PCDHGA4: variants seen among roughly 807,000 people sequenced by gnomAD.
PCDHGA4 encodes protocadherin gamma subfamily A, 4.
A neutral mutation model predicts 54.6 loss-of-function variants in PCDHGA4; 38 were observed. The observed-to-expected ratio is 0.70, with a 90% CI of 0.54 to 0.91. The LOEUF (loss-of-function observed/expected upper bound fraction) is 0.91. PCDHGA4 is among the 40% of genes least tolerant of loss of function. The pLI is 0.00. For missense variants in PCDHGA4, 1,298 were observed against 1,220.9 expected (o/e 1.06, Z -0.94); for synonymous variants, 511 against 512.9 (o/e 1.00, Z 0.05).
intron 1 of PCDHGA4, among the ~76,000 whole-genome samples, chr5:141,450,503 T>G (rs1196541899): frequency 3.3e-5 from 5 of 152,258 alleles, no homozygotes; most frequent in Admixed American, 6.5e-5. Context: ...TTGTTTGTTT[T>G]GAGATGGAGT....
chr5:141,365,788 A>T, intron 1 of PCDHGA4: 1 of 1,613,878 alleles, frequency 6.2e-7, no homozygotes, highest in South Asian at 1.1e-5. Flanking sequence ...ACAACGCTCG[A>T]GTCACCTACT....
Position 141,390,222 on chromosome 5 carries a change from G to A in PCDHGA4, c.2514+32601G>A, listed in dbSNP as rs758225583. The A allele has an allele frequency of 1.1e-5, 18 of 1,613,904 alleles. 1 individual carries two copies. In the Middle Eastern group the frequency reaches 9.9e-4, roughly 88 times the overall value. ...GAGTTCAGGACAAGACATACTTTGC[G>A]GTGATTCATCTGGGGCCTTATTTCC... On this transcript the variant is annotated intron_variant, in intron 1 of 3. Transcript: ENST00000571252.
At chr5:141,393,322 A>C (rs780040037) in intron 1 of PCDHGA4, 21 of 1,611,334 alleles carry the variant, frequency 1.3e-5, no homozygotes, top group Middle Eastern at 1.6e-4. Context: ...CTCCAGAGCT[A>C]CCAGCTCAGC....
intron 2 of PCDHGA4, among the ~76,000 whole-genome samples, chr5:141,501,009 C>T (rs2099804715): frequency 2.0e-5 from 3 of 152,040 alleles, no homozygotes; most frequent in Non-Finnish European, 4.4e-5. Context: ...GCTGGGACTA[C>T]AGGCACGCGC....
chr5:141,389,182 G>T, intron 1 of PCDHGA4: 1 of 1,614,032 alleles, frequency 6.2e-7, no homozygotes, highest in Non-Finnish European at 8.5e-7. Flanking sequence ...CTCTCCTCCA[G>T]TTCCAGCATC....
intron 1 of PCDHGA4, chr5:141,389,710 C>T: frequency 6.2e-7 from 1 of 1,612,586 alleles, no homozygotes; most frequent in Non-Finnish European, 8.5e-7. Flanking sequence ...GTGCTGCAGG[C>T]TAGCGAGCCC....
chr5:141,477,519 A>C lies in PCDHGA4; in HGVS notation c.2515-17288A>C, dbSNP rs1255751458. 1 of 1,614,174 alleles carries C rather than the reference A, an allele frequency of 6.2e-7. No individual in the cohort carries two copies. The highest frequency in any genetic ancestry group is 2.2e-5 in the East Asian group (1 of 44,882). Reference sequence around the variant, plus strand: ...TCTTCCTACGACGTTTACATTGAAGAAAACAACCTCCCCGGGGCTCCAATA... The same window carrying C: ...TCTTCCTACGACGTTTACATTGAAGCAAACAACCTCCCCGGGGCTCCAATA... On this transcript the variant is annotated intron_variant, in intron 1 of 3. Transcript: ENST00000571252. The surrounding 1 kb of genome is among the most constrained non-coding windows in gnomAD (Gnocchi z 4.9).
intron 1 of PCDHGA4, among the ~76,000 whole-genome samples, chr5:141,444,733 G>A (rs1464370133): frequency 6.6e-6 from 1 of 152,106 alleles, no homozygotes; most frequent in Non-Finnish European, 1.5e-5. Flanking sequence ...TTTGTTGAAA[G>A]TCATTTCACT....
intron 1 of PCDHGA4, chr5:141,384,753 G>C (rs114533608): frequency 0.027 from 43,359 of 1,614,006 alleles, 841 homozygotes; most frequent in African/African-American, 0.094. Context: ...GACTCTTTGC[G>C]GTTGGGCTGT....
intron 2 of PCDHGA4, among the ~76,000 whole-genome samples, chr5:141,502,783 G>A (rs2099816035): frequency 6.6e-6 from 1 of 151,652 alleles, no homozygotes; most frequent in African/African-American, 2.4e-5. Context: ...AAAATTACCT[G>A]GATGATTTCT....
intron 1 of PCDHGA4, chr5:141,394,021 G>C (rs2092901030): frequency 6.2e-7 from 1 of 1,613,480 alleles, no homozygotes; most frequent in Non-Finnish European, 8.5e-7. Flanking sequence ...AATTATTATA[G>C]ATTAGTGACA....
At chr5:141,408,271 T>A in intron 1 of PCDHGA4, 23 of 1,610,976 alleles carry the variant, frequency 1.4e-5, no homozygotes, top group Non-Finnish European at 1.9e-5. Context: ...TGCTGCTGCC[T>A]TTGTTCTACC....
At chr5:141,502,932 C>T (rs1039438031) in intron 2 of PCDHGA4, among the ~76,000 whole-genome samples, 2 of 143,766 alleles carry the variant, frequency 1.4e-5, no homozygotes, top group African/African-American at 5.3e-5. Context: ...CAACCTTCAC[C>T]TCCTGGGTTC....
rs2099706000 is a variant in PCDHGA4 at position 141,490,911 on chromosome 5, G to A, written c.2515-3896G>A. 1 of 1,613,722 alleles carries A rather than the reference G, an allele frequency of 6.2e-7. No individual in the cohort carries two copies. Among genetic ancestry groups the A allele is most frequent in the Non-Finnish European group, 8.5e-7 (1 of 1,179,746 alleles). Reference sequence around the variant, plus strand: ...CTCTGCATGTGTTTGTCCTAGACGAGAATGATAATGCCCCAGCTGTGCTGC... The same window carrying A: ...CTCTGCATGTGTTTGTCCTAGACGAAAATGATAATGCCCCAGCTGTGCTGC... On this transcript the variant is annotated intron_variant, in intron 1 of 3. Coordinates refer to ENST00000571252, the MANE Select transcript of PCDHGA4 (RefSeq NM_018917.4). This position sits in a 1 kb window ranked among gnomAD's most constrained non-coding sequence, Gnocchi z 5.4.
At chr5:141,438,630 A>T (rs1232206839) in intron 1 of PCDHGA4, among the ~76,000 whole-genome samples, 1 of 38,920 alleles carries the variant, frequency 2.6e-5, no homozygotes, top group East Asian at 8.1e-4. Context: ...ATATATATAT[A>T]TATATACACA....
chr5:141,510,821 C>G, intron 3 of PCDHGA4, 126 bp from the exon 4 acceptor site: 2 of 1,559,324 alleles, frequency 1.3e-6, no homozygotes, highest in Non-Finnish European at 1.7e-6. Context: ...CCCCTATATT[C>G]CCAGTGCTCA....
chr5:141,439,124 C>A (rs550781116), intron 1 of PCDHGA4, among the ~76,000 whole-genome samples: 332 of 150,120 alleles, frequency 2.2e-3, no homozygotes, highest in Non-Finnish European at 3.9e-3. Context: ...ACCCGGGAGA[C>A]AGAGGTTGCA....
At chr5:141,484,891 C>T in intron 1 of PCDHGA4, 1 of 361,788 alleles carries the variant, frequency 2.8e-6, no homozygotes, top group Non-Finnish European at 5.0e-6. Context: ...GGGCTTTTTC[C>T]CCTCCAATGC....
chr5:141,372,789 A>G (rs1769071536), intron 1 of PCDHGA4: 2 of 1,601,162 alleles, frequency 1.2e-6, no homozygotes, highest in Non-Finnish European at 8.5e-7. Flanking sequence ...AATGCCTTCT[A>G]ATTCAGGCAA....
Sources: allele counts gnomAD v4.1 joint callset (sites outside exome capture counted in the v4.1 genomes callset), GRCh38; gene constraint gnomAD v4.1.1; non-coding constraint Gnocchi (gnomAD v3.1); transcripts MANE v1.5; gene names NCBI Gene and HGNC (gene_info 2026-07-23, HGNC 2026-07-21).